Variants in PEX5L observed in about 807,000 individuals in gnomAD.
PEX5L encodes the protein peroxisomal biogenesis factor 5 like.
Under a neutral mutation model 84.0 loss-of-function variants are expected in PEX5L, and 30 were observed. That is an observed-to-expected ratio of 0.36 (90% CI 0.27 to 0.48). The LOEUF (loss-of-function observed/expected upper bound fraction) is 0.48. Ranked by LOEUF, PEX5L falls within the 20% of genes least tolerant of loss-of-function variation. The pLI is 0.99. For synonymous variants in PEX5L, 270 were observed against 283.1 expected, an observed-to-expected ratio of 0.95 and a Z score of 0.46; for missense variants, 533 against 754.6, an observed-to-expected ratio of 0.71 and a Z score of 3.44.
chr3:179,807,707 A>G lies in PEX5L; in HGVS notation c.1643T>C (p.Leu548Pro), dbSNP rs768890726. 1 of 1,614,130 alleles carries G rather than the reference A, an allele frequency of 6.2e-7. No individual in the cohort carries two copies. The highest frequency in any genetic ancestry group is 8.5e-7 in the Non-Finnish European group (1 of 1,180,004). The change falls in exon 14 of 15, where the codon CTA (leucine) becomes CCA (proline). Residue 548 changes from leucine to proline, a missense_variant. By Grantham distance (98) the Leu-to-Pro change is moderately conservative. Transcript: ENST00000467460. Reference protein sequence around the residue: ...QPGFIRSRYNLGISCINLGAY... With the variant: ...QPGFIRSRYNPGISCINLGAY... ...GCCCAGGTTGATGCAGCTTATTCCT[A>G]GGTTGTATCTGGACCGGATGAATCC...
chr3:179,851,887 G>C (rs1047682671), intron 8 of PEX5L, among the ~76,000 whole-genome samples: 1 of 152,190 alleles, frequency 6.6e-6, no homozygotes, highest in African/African-American at 2.4e-5. Context: ...TAGGGGAATA[G>C]TTTGAAAAAT....
intron 7 of PEX5L, among the ~76,000 whole-genome samples, chr3:179,871,024 T>C (rs116786613): frequency 0.018 from 2,735 of 152,188 alleles, 48 homozygotes; most frequent in Middle Eastern, 0.051. Context: ...GTTGGGTCAC[T>C]GCCTCATATA....
At chr3:179,809,445 C>T (rs753245437) in intron 12 of PEX5L, 26 bp downstream of exon 12, 46 of 1,571,488 alleles carry the variant, frequency 2.9e-5, no homozygotes, top group Middle Eastern at 3.3e-4. Context: ...TGTTTACTGC[C>T]AGCTGTAATA....
intron 8 of PEX5L, among the ~76,000 whole-genome samples, chr3:179,825,496 G>A (rs1056230566): frequency 3.3e-5 from 5 of 152,228 alleles, no homozygotes; most frequent in East Asian, 3.9e-4. Flanking sequence ...GAGCCAAACG[G>A]GAAGGCTCAA....
At chr3:179,820,435 GC>G (rs1354166837) in intron 8 of PEX5L, 1 of 154,540 alleles carries the variant, frequency 6.5e-6, no homozygotes, top group Non-Finnish European at 1.4e-5. Flanking sequence ...CAAGCACTGT[GC>G]CAGCAGAAAA....
At chr3:179,929,753 C>T (rs565426985) in intron 2 of PEX5L, among the ~76,000 whole-genome samples, 4 of 152,326 alleles carry the variant, frequency 2.6e-5, no homozygotes, top group African/African-American at 9.6e-5. Flanking sequence ...TAACCTTCAA[C>T]TCCCATGACA....
At chr3:179,908,705 G>A (rs113309850) in intron 2 of PEX5L, among the ~76,000 whole-genome samples, 125 of 148,658 alleles carry the variant, frequency 8.4e-4, no homozygotes, top group African/African-American at 2.9e-3. Context: ...ACCTATGAGT[G>A]AGAATATGTG....
intron 2 of PEX5L, among the ~76,000 whole-genome samples, chr3:179,956,357 A>ATTTTTTATATT (rs1156372879): frequency 2.6e-5 from 4 of 152,198 alleles, no homozygotes; most frequent in African/African-American, 4.8e-5. Context: ...ATAAAATAAT[A>ATTTTTTATATT]CATTCTAAAA....
chr3:179,831,423 G>T lies in PEX5L; in HGVS notation c.823-11447C>A, dbSNP rs1368557121. Among the ~76,000 whole-genome samples, 3 of 151,810 alleles carry T rather than the reference G, an allele frequency of 2.0e-5. No individual in the cohort carries two copies. In the East Asian group the frequency reaches 5.8e-4, roughly 29 times the overall value. ...CTCTTTGAAGTAATTCATAAAATTT[G>T]AAGGGTAGCATCTTCTCAAAGTAAT... On this transcript the variant is annotated intron_variant, in intron 8 of 14. Transcript: ENST00000467460.
At chr3:179,996,879 T>A (rs1275050218) in intron 1 of PEX5L, among the ~76,000 whole-genome samples, 1 of 152,210 alleles carries the variant, frequency 6.6e-6, no homozygotes, top group Non-Finnish European at 1.5e-5. Flanking sequence ...AGCTCTGTCA[T>A]TGGCTAATTA....
chr3:179,885,419 G>A (rs748745265), intron 4 of PEX5L, among the ~76,000 whole-genome samples: 4 of 152,066 alleles, frequency 2.6e-5, no homozygotes, highest in African/African-American at 2.4e-5. Flanking sequence ...GGCCAAAGTG[G>A]GCAGATCACA....
chr3:179,992,237 T>A (rs1209070592), intron 1 of PEX5L, among the ~76,000 whole-genome samples: 1 of 152,230 alleles, frequency 6.6e-6, no homozygotes, highest in African/African-American at 2.4e-5. Context: ...GATTTGGTCA[T>A]GCCAGGTATA....
intron 2 of PEX5L, 98 bp from the exon 3 acceptor site, chr3:179,898,344 A>G: frequency 1.3e-6 from 1 of 775,450 alleles, no homozygotes; most frequent in Non-Finnish European, 2.0e-6. Flanking sequence ...TCCAACATAA[A>G]TGAAGAGGTA....
chr3:179,983,161 A>T (rs1191543597), intron 1 of PEX5L, among the ~76,000 whole-genome samples: 1 of 152,004 alleles, frequency 6.6e-6, no homozygotes. Context: ...ATACATATTT[A>T]TATGTAAGTA....
chr3:179,887,812 A>G (rs1348748461), intron 3 of PEX5L, 28 bp from the exon 4 acceptor site: 1 of 1,481,808 alleles, frequency 6.7e-7, no homozygotes, highest in African/African-American at 1.4e-5. Flanking sequence ...GAGGTGTCAA[A>G]GGGCTTTGTT....
At chr3:179,925,931 G>A (rs2109509414) in intron 2 of PEX5L, among the ~76,000 whole-genome samples, 2 of 152,120 alleles carry the variant, frequency 1.3e-5, no homozygotes, top group South Asian at 2.1e-4. Context: ...TTTTCTCTCT[G>A]TGGTCTACTC....
At chr3:179,845,730 T>C (rs550381173) in intron 8 of PEX5L, among the ~76,000 whole-genome samples, 1 of 152,188 alleles carries the variant, frequency 6.6e-6, no homozygotes, top group Non-Finnish European at 1.5e-5. Context: ...CCAAGTCCCT[T>C]AACATCTCTG....
In PEX5L at chr3:179,887,716, G is replaced by T; in HGVS notation, c.267C>A (p.Thr89=). ...SPSIDDFLCE[T]KSEAIARPVT... is the part of the protein sequence containing the mutation. ...CTGGCCTTGCTATTGCTTCCGATTT[G>T]GTTTCACAGAGAAAGTCATCGATGG... Residue 89 remains threonine (T), a synonymous_variant, in exon 4 of 15, where the codon ACC becomes ACA. Transcript: ENST00000467460. 6.2e-7 allele frequency: 1 copy of T among 1,613,740 alleles called. No individual in the cohort carries two copies. Among genetic ancestry groups the T allele is most frequent in the Non-Finnish European group, 8.5e-7 (1 of 1,179,706 alleles).
At chr3:179,917,307 C>G (rs1215314675) in intron 2 of PEX5L, among the ~76,000 whole-genome samples, 1 of 151,836 alleles carries the variant, frequency 6.6e-6, no homozygotes, top group Non-Finnish European at 1.5e-5. Flanking sequence ...TCCTTACAGA[C>G]CTGCCTAAGG....
Sources: gnomAD v4.1 joint callset for allele counts (sites outside exome capture counted in the v4.1 genomes callset) on GRCh38, gnomAD v4.1.1 for gene constraint, MANE v1.5 for transcripts, NCBI Gene and HGNC (gene_info 2026-07-23, HGNC 2026-07-21) for gene names.